COL21A1: variants seen among roughly 807,000 people sequenced by gnomAD.
The protein encoded by COL21A1 is collagen alpha-1(XXI) chain.
A neutral mutation model predicts 137.9 loss-of-function variants in COL21A1; 149 were observed. The ratio of observed to expected loss-of-function variants is 1.08; its 90% CI spans 0.95 to 1.24. The LOEUF is 1.24. COL21A1 is among the 50% of genes most tolerant of loss of function. The probability of loss-of-function intolerance (pLI) is 0.00; values close to 1 mark genes in which losing one functional copy is unlikely to be tolerated. For missense variants in COL21A1, 1,167 were observed against 1,158.4 expected, an observed-to-expected ratio of 1.01 and a Z score of -0.11; for synonymous variants, 456 against 391.5, an observed-to-expected ratio of 1.16 and a Z score of -1.95.
At chr6:56,125,232 G>A (rs1379129080) in intron 14 of COL21A1, among the ~76,000 whole-genome samples, 1 of 150,096 alleles carries the variant, frequency 6.7e-6, no homozygotes, top group East Asian at 2.0e-4. Context: ...TGTTGGCCAG[G>A]CTGGTCTCGA....
chr6:56,284,837 A>T (rs4712121), intron 1 of COL21A1, among the ~76,000 whole-genome samples: 25,096 of 151,960 alleles, frequency 0.17, 3,568 homozygotes, highest in East Asian at 0.61. Context: ...CTTTCTCCAA[A>T]ATGTGCTTTG....
intron 1 of COL21A1, among the ~76,000 whole-genome samples, chr6:56,234,112 T>C (rs945817917): frequency 2.6e-5 from 4 of 151,802 alleles, no homozygotes; most frequent in Admixed American, 2.6e-4. Context: ...AAAACATAAG[T>C]AAACTTCAAG....
chr6:56,070,098 A>G (rs1766613331), intron 21 of COL21A1, among the ~76,000 whole-genome samples: 1 of 151,586 alleles, frequency 6.6e-6, no homozygotes, highest in African/African-American at 2.4e-5. Flanking sequence ...TATTTAGGAT[A>G]TATTTGTAAG....
At chr6:56,267,072 C>G (rs1292372885) in intron 1 of COL21A1, among the ~76,000 whole-genome samples, 3 of 152,252 alleles carry the variant, frequency 2.0e-5, no homozygotes, top group South Asian at 2.1e-4. Context: ...AATCTTAATT[C>G]TCTATATGGC....
chr6:56,178,817 C>T (rs1752047003), intron 3 of COL21A1, among the ~76,000 whole-genome samples: 2 of 151,970 alleles, frequency 1.3e-5, no homozygotes, highest in South Asian at 4.1e-4. Flanking sequence ...CTGTTATTTT[C>T]AAATGTTCTG....
Position 56,166,815 on chromosome 6 carries a change from T to C in COL21A1, c.1278+91A>G, listed in dbSNP as rs1044720319. The C allele has an allele frequency of 5.3e-6, 5 of 944,224 alleles. No homozygotes were observed. The African/African-American group carries it at 8.2e-5, about 15-fold the overall frequency. 58.5% of individuals were successfully genotyped at this position (944,224 alleles called of 1,614,324 possible). A position where few individuals can be genotyped will look rare whatever the true frequency, so the allele number is the denominator to read the frequency against. On this transcript the variant is annotated intron_variant, in intron 7 of 29. Coordinates refer to ENST00000244728, the MANE Select transcript of COL21A1 (RefSeq NM_030820.4). ...AAAAAATAAAATTAAGTCTACATAT[T>C]AAATTAATACTCAGATAGTATCTGC...
At chr6:56,272,590 T>C (rs1405800858) in intron 1 of COL21A1, among the ~76,000 whole-genome samples, 1 of 152,148 alleles carries the variant, frequency 6.6e-6, no homozygotes, top group Non-Finnish European at 1.5e-5. Context: ...AGGGGTGTAA[T>C]GATGTGGCTT....
intron 1 of COL21A1, among the ~76,000 whole-genome samples, chr6:56,188,884 A>G (rs552193213): frequency 2.0e-5 from 3 of 152,358 alleles, no homozygotes; most frequent in African/African-American, 7.2e-5. Flanking sequence ...GACCTGCTGC[A>G]GACAGTTTCC....
intron 1 of COL21A1, among the ~76,000 whole-genome samples, chr6:56,385,260 T>C (rs1160304426): frequency 6.6e-6 from 1 of 152,224 alleles, no homozygotes; most frequent in Non-Finnish European, 1.5e-5. Context: ...CTTTGCTTCG[T>C]TTTGTTTGGG....
intron 1 of COL21A1, among the ~76,000 whole-genome samples, chr6:56,293,310 T>C (rs1435247199): frequency 1.3e-5 from 2 of 152,214 alleles, no homozygotes; most frequent in African/African-American, 2.4e-5. Context: ...GTCTTGTATA[T>C]AGGATTCTTT....
chr6:56,098,588 TATATAAATATATATATAAATATATATAA>T (rs1770009365), intron 17 of COL21A1, among the ~76,000 whole-genome samples: 1 of 39,380 alleles, frequency 2.5e-5, no homozygotes. Context: ...TATATATAAA[TATATAAATATATATATAAATATATATAA>T]ATATATATAA....
At chr6:56,143,662 T>C (rs1387567253) in intron 10 of COL21A1, among the ~76,000 whole-genome samples, 1 of 152,186 alleles carries the variant, frequency 6.6e-6, no homozygotes, top group Non-Finnish European at 1.5e-5. Flanking sequence ...CAGGAAACAA[T>C]GAGTCTGATT....
chr6:56,097,795 A>G (rs1351683405), intron 17 of COL21A1, among the ~76,000 whole-genome samples: 1 of 116,066 alleles, frequency 8.6e-6, no homozygotes, highest in Non-Finnish European at 1.7e-5. Flanking sequence ...AAATATATAT[A>G]TAAATCTATA....
chr6:56,127,511 G>T (rs1183084872), intron 12 of COL21A1, among the ~76,000 whole-genome samples: 1 of 152,094 alleles, frequency 6.6e-6, no homozygotes, highest in African/African-American at 2.4e-5. Flanking sequence ...TCATTATCTT[G>T]TTTAGGGGAA....
chr6:56,255,530 G>A (rs888130846), intron 1 of COL21A1, among the ~76,000 whole-genome samples: 24 of 152,126 alleles, frequency 1.6e-4, no homozygotes, highest in Admixed American at 1.3e-3. Flanking sequence ...CTGTTGTAAG[G>A]AACAGGGAGG....
rs61397350 is a variant in COL21A1, at chr6:56,165,907, TACACACAC to T, written c.1278+991_1278+998del. Among the ~76,000 whole-genome samples, 1,030 of 105,792 alleles carry T rather than the reference TACACACAC, an allele frequency of 9.7e-3. 7 individuals carry two copies. Among genetic ancestry groups the T allele is most frequent in the Middle Eastern group, 0.04 (9 of 226 alleles). 69.4% of individuals were successfully genotyped at this position (105,792 alleles called of 152,430 possible). A position where few individuals can be genotyped will look rare whatever the true frequency, so the allele number is the denominator to read the frequency against. ...TTTGCCCAGGGGAAAGGGGATTGAT[TACACACAC>T]ACACACACACACACACACACACACA... On this transcript the variant is annotated intron_variant, in intron 7 of 29. Transcript: ENST00000244728.
chr6:56,241,336 G>C (rs1218032894), intron 1 of COL21A1, among the ~76,000 whole-genome samples: 1 of 152,100 alleles, frequency 6.6e-6, no homozygotes, highest in Admixed American at 6.5e-5. Context: ...AAATTGGCCG[G>C]CACCTTGAGC....
At chr6:56,109,125 C>T (rs76173937) in intron 16 of COL21A1, among the ~76,000 whole-genome samples, 10,131 of 150,528 alleles carry the variant, frequency 0.067, 395 homozygotes, top group Admixed American at 0.11. Context: ...TAACAAAAAA[C>T]GAATGTAAAT....
chr6:56,347,417 A>G (rs1395267666), intron 1 of COL21A1, among the ~76,000 whole-genome samples: 2 of 151,486 alleles, frequency 1.3e-5, no homozygotes, highest in Middle Eastern at 3.2e-3. Flanking sequence ...CCTGCATGCA[A>G]TGGGTCTTAC....
Sources: allele counts gnomAD v4.1 joint callset (sites outside exome capture counted in the v4.1 genomes callset), GRCh38; gene constraint gnomAD v4.1.1; transcripts MANE v1.5; gene names NCBI Gene and HGNC (gene_info 2026-07-23, HGNC 2026-07-21).